SHANK2: variants seen among roughly 807,000 people sequenced by gnomAD.
SHANK2 encodes the protein SH3 and multiple ankyrin repeat domains 2.
In SHANK2, 43 loss-of-function variants were observed where a neutral mutation model predicts 133.7. The ratio of observed to expected loss-of-function variants is 0.32; its 90% CI spans 0.25 to 0.41. The LOEUF is 0.41. SHANK2 is among the 10% of genes least tolerant of loss of function. The pLI is 1.00. For missense variants in SHANK2, 1,994 were observed against 2,235.8 expected, an observed-to-expected ratio of 0.89 and a Z score of 2.18; for synonymous variants, 1,017 against 952.8, an observed-to-expected ratio of 1.07 and a Z score of -1.24.
At chr11:71,170,371 C>T (rs1250038495) in intron 2 of SHANK2, among the ~76,000 whole-genome samples, 1 of 152,136 alleles carries the variant, frequency 6.6e-6, no homozygotes, top group East Asian at 1.9e-4. Flanking sequence ...TAATGAATGA[C>T]ATTTATATTT....
chr11:70,851,268 T>TCCC (rs1949083104), intron 11 of SHANK2, among the ~76,000 whole-genome samples: 1 of 152,204 alleles, frequency 6.6e-6, no homozygotes, highest in African/African-American at 2.4e-5. Context: ...CTCCTAATTG[T>TCCC]CCCCCACTTC....
chr11:70,787,977 A>C (rs1242837677), intron 14 of SHANK2, among the ~76,000 whole-genome samples: 11 of 152,184 alleles, frequency 7.2e-5, no homozygotes, highest in African/African-American at 2.4e-4. Flanking sequence ...ATAAACATCA[A>C]ATGAGAGGTG....
chr11:70,946,661 C>A (rs1407498714), intron 10 of SHANK2, among the ~76,000 whole-genome samples: 1 of 145,966 alleles, frequency 6.9e-6, no homozygotes, highest in Non-Finnish European at 1.5e-5. Context: ...AACTCTTCCC[C>A]AGGGTCAACC....
intron 17 of SHANK2, among the ~76,000 whole-genome samples, chr11:70,565,840 A>T (rs571160520): frequency 1.1e-3 from 169 of 152,078 alleles, no homozygotes; most frequent in African/African-American, 3.4e-3. Flanking sequence ...TATTATTATT[A>T]TTTTTTTTAA....
intron 13 of SHANK2, among the ~76,000 whole-genome samples, chr11:70,801,039 A>T (rs1948032772): frequency 6.6e-6 from 1 of 152,158 alleles, no homozygotes; most frequent in Non-Finnish European, 1.5e-5. Context: ...CGGTTTCCTC[A>T]TTTATCAGAG....
chr11:70,921,562 T>G (rs1950352697), intron 10 of SHANK2, among the ~76,000 whole-genome samples: 1 of 152,144 alleles, frequency 6.6e-6, no homozygotes, highest in African/African-American at 2.4e-5. Context: ...ATTCTGAAAT[T>G]GGGAGGAGCA....
chr11:70,674,497 C>T (rs936110122), intron 15 of SHANK2, among the ~76,000 whole-genome samples: 2 of 152,148 alleles, frequency 1.3e-5, no homozygotes, highest in African/African-American at 4.8e-5. Context: ...TATGGGAGCC[C>T]GCCACCAGGC....
intron 18 of SHANK2, among the ~76,000 whole-genome samples, 170 bp downstream of exon 18, chr11:70,502,626 C>G (rs1270992286): frequency 1.3e-5 from 2 of 152,040 alleles, no homozygotes; most frequent in African/African-American, 4.8e-5. Flanking sequence ...AGCCCCAAGT[C>G]ATTGTCGTGG....
At chr11:70,574,199 A>G (rs2060086869) in intron 17 of SHANK2, among the ~76,000 whole-genome samples, 1 of 152,234 alleles carries the variant, frequency 6.6e-6, no homozygotes, top group African/African-American at 2.4e-5. Flanking sequence ...TACCCTGCTG[A>G]TCAATCTCCA....
In SHANK2 at chr11:71,095,687, T is replaced by C. The variant is rs1372491702; in HGVS notation, c.593-999A>G. Among the ~76,000 whole-genome samples the C allele has an allele frequency of 3.9e-5, 6 of 152,360 alleles. No homozygotes were observed. In the East Asian group the frequency reaches 1.2e-3, roughly 29 times the overall value. On this transcript the variant is annotated intron_variant, in intron 6 of 25. Transcript: ENST00000601538. ...AGAAAGGGCACCTGCCTTGTGAGTG[T>C]GCACTGACTATTCCCATCTATTTTT... is the stretch of plus-strand genomic sequence containing the variant.
At chr11:71,128,977 G>A (rs1555103227) in intron 3 of SHANK2, among the ~76,000 whole-genome samples, 1 of 152,192 alleles carries the variant, frequency 6.6e-6, no homozygotes, top group African/African-American at 2.4e-5. Flanking sequence ...TAGAGACAGG[G>A]TTTCGCCATG....
intron 3 of SHANK2, among the ~76,000 whole-genome samples, chr11:71,121,503 C>T (rs1338067204): frequency 6.6e-6 from 1 of 152,170 alleles, no homozygotes; most frequent in African/African-American, 2.4e-5. Context: ...AATTTTCTCC[C>T]ATTCTGTAGA....
At chr11:70,863,581 A>G (rs1949298932) in intron 11 of SHANK2, 1 of 456,602 alleles carries the variant, frequency 2.2e-6, no homozygotes, top group Non-Finnish European at 4.4e-6. Flanking sequence ...AGAGTCTAAA[A>G]TAACTCAGGC....
intron 8 of SHANK2, among the ~76,000 whole-genome samples, chr11:71,090,023 G>T (rs989792774): frequency 6.6e-6 from 1 of 152,218 alleles, no homozygotes; most frequent in Non-Finnish European, 1.5e-5. Flanking sequence ...CGAGTGCTGT[G>T]CAAGAATTCA....
intron 2 of SHANK2, among the ~76,000 whole-genome samples, chr11:71,192,602 G>T (rs1303528417): frequency 6.6e-6 from 1 of 152,142 alleles, no homozygotes; most frequent in African/African-American, 2.4e-5. Flanking sequence ...GAAACACAAG[G>T]TCCAGGTGAA....
At chr11:70,895,073 A>G (rs1949912481) in intron 11 of SHANK2, among the ~76,000 whole-genome samples, 1 of 152,216 alleles carries the variant, frequency 6.6e-6, no homozygotes, top group Non-Finnish European at 1.5e-5. Context: ...TCTCAGAGCA[A>G]TTAAGTGATT....
At chr11:71,211,368 A>G (rs1375464900) in intron 2 of SHANK2, among the ~76,000 whole-genome samples, 1 of 149,652 alleles carries the variant, frequency 6.7e-6, no homozygotes, top group Non-Finnish European at 1.5e-5. Context: ...GAGAAACCCC[A>G]TCTCTACAAA....
At chr11:70,877,826 T>A (rs1949593205) in intron 11 of SHANK2, among the ~76,000 whole-genome samples, 1 of 152,168 alleles carries the variant, frequency 6.6e-6, no homozygotes, top group Non-Finnish European at 1.5e-5. Context: ...CTATAAATAT[T>A]CCCTGCGGAG....
chr11:70,714,244 A>G (rs187504518), intron 14 of SHANK2, among the ~76,000 whole-genome samples: 2 of 152,294 alleles, frequency 1.3e-5, no homozygotes, highest in East Asian at 3.9e-4. Context: ...GAGGACACGG[A>G]GGAGAAGGAG....
Sources: gnomAD v4.1 joint callset for allele counts (sites outside exome capture counted in the v4.1 genomes callset) on GRCh38, gnomAD v4.1.1 for gene constraint, MANE v1.5 for transcripts, NCBI Gene and HGNC (gene_info 2026-07-23, HGNC 2026-07-21) for gene names.